VSIG10: variants seen among roughly 807,000 people sequenced by gnomAD.
VSIG10 encodes V-set and immunoglobulin domain containing 10, also known as V-set and immunoglobulin domain-containing protein 10.
Under a neutral mutation model 58.7 loss-of-function variants are expected in VSIG10, and 48 were observed. The ratio of observed to expected loss-of-function variants is 0.82; its 90% CI spans 0.65 to 1.04. VSIG10 has a LOEUF of 1.04. Ranked by LOEUF, VSIG10 falls within the 50% of genes least tolerant of loss-of-function variation. The probability of loss-of-function intolerance (pLI) is 0.00; values close to 1 mark genes in which losing one functional copy is unlikely to be tolerated. For synonymous variants in VSIG10, 260 were observed against 267.1 expected (o/e 0.97, Z 0.26); for missense variants, 628 against 670.0 (o/e 0.94, Z 0.69).
At chr12:118,087,513 T>C (rs1377171516) in intron 2 of VSIG10, among the ~76,000 whole-genome samples, 4 of 152,042 alleles carry the variant, frequency 2.6e-5, no homozygotes, top group Non-Finnish European at 5.9e-5. Flanking sequence ...TCCAAGGCCA[T>C]GTTAGAATGT....
chr12:118,101,543 C>G (rs1047301193), intron 1 of VSIG10: 1 of 152,064 alleles, frequency 6.6e-6, no homozygotes, highest in Non-Finnish European at 1.5e-5. Context: ...AATAGAGAAC[C>G]GAAGAGGGAG....
chr12:118,070,809 T>G (rs2032459977), intron 7 of VSIG10: 1 of 571,940 alleles, frequency 1.7e-6, no homozygotes, highest in African/African-American at 1.9e-5. Flanking sequence ...TGGAATGAGC[T>G]TGCAGAAATT....
At chr12:118,103,304 C>T in intron 1 of VSIG10, 1 of 354,806 alleles carries the variant, frequency 2.8e-6, no homozygotes, top group Non-Finnish European at 5.0e-6. Context: ...GCACACGTGC[C>T]TCTTTACTTT....
Position 118,082,383 on chromosome 12 carries a change from G to C in VSIG10, c.408C>G (p.Leu136=), listed in dbSNP as rs2137901553. The C allele has an allele frequency of 6.2e-7, 1 of 1,613,766 alleles. No individual in the cohort carries two copies. The highest frequency in any genetic ancestry group is 8.5e-7 in the Non-Finnish European group (1 of 1,179,754). Residue 136 remains leucine (L), a synonymous_variant, in exon 3 of 9, where the codon CTC becomes CTG. Transcript: ENST00000359236. The part of the protein sequence containing the change: ...IEVHIVATGT[L]PNGTLYAARG... The stretch of plus-strand genomic sequence containing the variant: ...TGGCTGCGTAGAGGGTGCCGTTGGG[G>C]AGTGTGCCGGTGGCCACGATGTGGA...
At chr12:118,083,785 G>A (rs548853792) in intron 2 of VSIG10, among the ~76,000 whole-genome samples, 2 of 152,090 alleles carry the variant, frequency 1.3e-5, no homozygotes, top group African/African-American at 4.8e-5. Context: ...CAAAGTGCTG[G>A]GATTACAAGT....
At chr12:118,083,439 G>A (rs958490381) in intron 2 of VSIG10, among the ~76,000 whole-genome samples, 14 of 151,880 alleles carry the variant, frequency 9.2e-5, no homozygotes, top group Admixed American at 3.9e-4. Flanking sequence ...TTAGTTGGGC[G>A]TGGTGGCACA....
chr12:118,095,436 G>C, intron 2 of VSIG10, 97 bp downstream of exon 2: 1 of 1,479,030 alleles, frequency 6.8e-7, no homozygotes, highest in Non-Finnish European at 9.2e-7. Flanking sequence ...TGATTTCCAG[G>C]CCATCCGAAC....
intron 8 of VSIG10, among the ~76,000 whole-genome samples, chr12:118,068,045 T>TTTTC (rs71450254): frequency 2.5e-4 from 35 of 141,276 alleles, no homozygotes; most frequent in East Asian, 8.4e-4. Flanking sequence ...TTTTTTTTTT[T>TTTTC]CTGAGGCAGG....
intron 1 of VSIG10, among the ~76,000 whole-genome samples, chr12:118,098,063 T>G (rs1428873952): frequency 6.6e-6 from 1 of 152,162 alleles, no homozygotes; most frequent in Non-Finnish European, 1.5e-5. Context: ...CACCCCAGCC[T>G]GTGGGTAATA....
intron 5 of VSIG10, among the ~76,000 whole-genome samples, chr12:118,071,981 C>T (rs1454011541): frequency 1.3e-5 from 2 of 151,164 alleles, no homozygotes; most frequent in African/African-American, 2.4e-5. Flanking sequence ...ACCAGCCTGA[C>T]CAACATGTTA....
intron 3 of VSIG10, among the ~76,000 whole-genome samples, chr12:118,080,554 G>T (rs1023601883): frequency 3.9e-5 from 6 of 152,118 alleles, no homozygotes; most frequent in Non-Finnish European, 8.8e-5. Flanking sequence ...AGATTCACAC[G>T]CTACTTGTTC....
Position 118,082,128 on chromosome 12 carries a change from G to T in VSIG10, c.663C>A (p.Tyr221Ter), listed in dbSNP as rs200149210. The T allele has an allele frequency of 6.2e-7, 1 of 1,613,392 alleles. No individual in the cohort carries two copies. Among genetic ancestry groups the T allele is most frequent in the Middle Eastern group, 1.6e-4 (1 of 6,062 alleles). ...HRKVTTELLV[Y>*]YPPPSAPQCW... The stretch of plus-strand genomic sequence containing the variant: ...GGCAGAGGAGTGCTGCTTACGCACA[G>T]TAGACCAGGAGCTCGGTGGTCACCT... The change falls in exon 3 of 9, where the codon TAC becomes TAA. Residue 221 changes from tyrosine (Y) to a stop codon, truncating the protein, a stop_gained and splice_region_variant. Coordinates refer to ENST00000359236, the MANE Select transcript of VSIG10 (RefSeq NM_019086.6). LOFTEE classifies it high-confidence loss of function.
intron 3 of VSIG10, among the ~76,000 whole-genome samples, chr12:118,080,433 T>C (rs1137584): frequency 6.6e-6 from 1 of 152,152 alleles, no homozygotes; most frequent in South Asian, 2.1e-4. Context: ...GCGCTGAAAT[T>C]ATAGACGTGA....
In VSIG10 at chr12:118,068,517, G is replaced by A; in HGVS notation, c.1427C>T (p.Ala476Val). The change falls in exon 8 of 9, where the codon GCT (alanine) becomes GTT (valine). Residue 476 changes from alanine (A) to valine (V), a missense_variant. Transcript: ENST00000359236. ...EEEEEEEEED[A>V]AVGEQEGARE... ...TGCTCCCTCCTGTTCCCCTACTGCAGCATCTTCCTCCTCCTCCTCCTCCTC... is the reference window on the plus strand; with the variant it reads ...TGCTCCCTCCTGTTCCCCTACTGCAACATCTTCCTCCTCCTCCTCCTCCTC... The A allele has an allele frequency of 1.2e-6, 2 of 1,603,222 alleles. No homozygotes were observed.
chr12:118,085,971 A>G (rs2033113514), intron 2 of VSIG10, among the ~76,000 whole-genome samples: 1 of 152,034 alleles, frequency 6.6e-6, no homozygotes, highest in African/African-American at 2.4e-5. Context: ...CAGCCTGGCC[A>G]ACATGGTGAA....
At chr12:118,076,590 T>G (rs2032737164) in intron 4 of VSIG10, among the ~76,000 whole-genome samples, 1 of 151,908 alleles carries the variant, frequency 6.6e-6, no homozygotes, top group Non-Finnish European at 1.5e-5. Context: ...TGCCCGTCCT[T>G]GGCCTCCCAA....
At chr12:118,069,732 T>C (rs2137836531) in intron 7 of VSIG10, among the ~76,000 whole-genome samples, 1 of 152,140 alleles carries the variant, frequency 6.6e-6, no homozygotes, top group East Asian at 1.9e-4. Context: ...CGGCCTGGAC[T>C]ATGCATTTCT....
chr12:118,073,822 C>A lies in VSIG10; in HGVS notation c.1096G>T (p.Asp366Tyr), dbSNP rs374205384. The change falls in exon 5 of 9, where the codon GAT becomes TAT. Residue 366 changes from aspartate to tyrosine, a missense_variant. Asp to Tyr is a radical substitution (Grantham distance 160). Coordinates refer to ENST00000359236, the MANE Select transcript of VSIG10 (RefSeq NM_019086.6). ...QPSSRHLITQ[D>Y]GQNSTLTIHN... ...ATAGTGAGGGTGGAGTTCTGGCCATCCTGGGTAATGAGATGGCGGCTGCTA... is the reference window on the plus strand; with the variant it reads ...ATAGTGAGGGTGGAGTTCTGGCCATACTGGGTAATGAGATGGCGGCTGCTA... 6.2e-7 allele frequency: 1 copy of A among 1,613,838 alleles called. No individual in the cohort carries two copies. The highest frequency in any genetic ancestry group is 1.3e-5 in the African/African-American group (1 of 74,928).
Position 118,095,770 on chromosome 12 carries a change from G to A in VSIG10, c.124C>T (p.Leu42=), listed in dbSNP as rs747532995. 2.5e-6 allele frequency: 4 copies of A among 1,612,882 alleles called. No homozygotes were observed. The highest frequency in any genetic ancestry group is 2.2e-5 in the East Asian group (1 of 44,860). ...AGTCCCGAGATGTTGCCACAGTGCA[G>A]AGTAACATTCTCATGAACTTCTCCA... The part of the protein sequence containing the change: ...VIGEVHENVT[L]HCGNISGLRG... The change falls in exon 2 of 9, where the codon CTG becomes TTG. Residue 42 remains leucine, a synonymous_variant. Transcript: ENST00000359236.
Sources: gnomAD v4.1 joint callset for allele counts (sites outside exome capture counted in the v4.1 genomes callset) on GRCh38, gnomAD v4.1.1 for gene constraint, MANE v1.5 for transcripts, NCBI Gene and HGNC (gene_info 2026-07-23, HGNC 2026-07-21) for gene names.